Variants in ERC1 observed in about 807,000 individuals in gnomAD.
The protein encoded by ERC1 is RAB6 interacting protein 2.
ERC1 carries 56 observed loss-of-function variants against 132.0 expected under a neutral mutation model. That is an observed-to-expected ratio of 0.42 (90% CI 0.34 to 0.53). The LOEUF is 0.53. Ranked by LOEUF, ERC1 falls within the 20% of genes least tolerant of loss-of-function variation. The probability of loss-of-function intolerance (pLI) is 0.03; values close to 1 mark genes in which losing one functional copy is unlikely to be tolerated. For synonymous variants in ERC1, 478 were observed against 476.1 expected, an observed-to-expected ratio of 1.00 and a Z score of -0.05; for missense variants, 1,202 against 1,349.9, an observed-to-expected ratio of 0.89 and a Z score of 1.72.
chr12:1,147,927 A>G (rs1214962488), intron 8 of ERC1, among the ~76,000 whole-genome samples: 1 of 152,148 alleles, frequency 6.6e-6, no homozygotes, highest in Non-Finnish European at 1.5e-5. Context: ...TTTTACTTTT[A>G]TAACATTTGT....
rs1206090694 is a variant in ERC1 at position 1,493,547 on chromosome 12, AAATATATATATAT to A, written c.*3319_*3331del. 14 of 60,472 alleles carry A rather than the reference AAATATATATATAT, an allele frequency of 2.3e-4. 1 individual carries two copies. Among genetic ancestry groups the A allele is most frequent in the South Asian group, 1.3e-3 (2 of 1,544 alleles). The allele number at this position is 60,472 out of a possible 1,614,324, so 3.7% of individuals were successfully genotyped here. On this transcript the variant is annotated 3_prime_UTR_variant, in exon 19 of 19. Transcript: ENST00000360905. The stretch of plus-strand genomic sequence containing the variant: ...GACTCCATTTAAAAAAAAAAAAAAA[AAATATATATATAT>A]ATATATATATATATATATGGATGGG...
chr12:1,127,970 T>TTAGGAATTAATACTG (rs1333409846), intron 7 of ERC1, among the ~76,000 whole-genome samples: 4 of 152,208 alleles, frequency 2.6e-5, no homozygotes, highest in African/African-American at 9.7e-5. Flanking sequence ...CTCCTACCAG[T>TTAGGAATTAATACTG]ATTAATGGCA....
chr12:1,301,289 C>T (rs992453042), intron 15 of ERC1, among the ~76,000 whole-genome samples: 1 of 152,256 alleles, frequency 6.6e-6, no homozygotes, highest in South Asian at 2.1e-4. Context: ...GAATTCACCA[C>T]TGTATAACTC....
intron 15 of ERC1, among the ~76,000 whole-genome samples, chr12:1,309,471 TA>T (rs535546255): frequency 6.1e-4 from 93 of 152,318 alleles, no homozygotes; most frequent in African/African-American, 2.0e-3. Context: ...TGTCAGACTA[TA>T]GGGGAAGTGA....
chr12:1,438,758 A>G (rs1229681516), intron 17 of ERC1, among the ~76,000 whole-genome samples: 1 of 152,042 alleles, frequency 6.6e-6, no homozygotes, highest in Non-Finnish European at 1.5e-5. Context: ...CCTAGGCAAT[A>G]TTGTGAGACC....
chr12:1,390,728 T>A (rs968672123), intron 16 of ERC1: 1 of 152,226 alleles, frequency 6.6e-6, no homozygotes, highest in African/African-American at 2.4e-5. Context: ...GTGGATTCAC[T>A]ATGGTCAAAT....
At chr12:1,103,355 T>G (rs1336072986) in intron 3 of ERC1, among the ~76,000 whole-genome samples, 1 of 152,058 alleles carries the variant, frequency 6.6e-6, no homozygotes, top group Non-Finnish European at 1.5e-5. Flanking sequence ...GGACTTGGGC[T>G]CTAGTTGGAG....
At position 1,247,307 on chromosome 12, in the gene ERC1, A is replaced by G. The variant is rs562566204; in HGVS notation, c.2487+10403A>G. On this transcript the variant is annotated intron_variant, in intron 13 of 18. Coordinates refer to ENST00000360905, the MANE Select transcript of ERC1 (RefSeq NM_178040.4). ...AAGGACATTGGTGGAAAAACAATGA[A>G]AGTAAGGTTCTCAGGTTGGTAAATA... 4.4e-4 allele frequency among the ~76,000 whole-genome samples: 67 copies of G among 152,232 alleles called. 1 individual carries two copies. The highest frequency in any genetic ancestry group is 2.8e-4 in the Non-Finnish European group (19 of 68,038).
At chr12:1,435,434 G>T (rs2092922056) in intron 17 of ERC1, among the ~76,000 whole-genome samples, 1 of 152,126 alleles carries the variant, frequency 6.6e-6, no homozygotes, top group South Asian at 2.1e-4. Context: ...ATTAGCTGCT[G>T]TCCCCCTGAA....
rs192720835 is a variant in ERC1, at chr12:1,249,751, A to G, written c.2487+12847A>G. 1.7e-3 allele frequency among the ~76,000 whole-genome samples: 255 copies of G among 152,292 alleles called. 1 individual carries two copies. The highest frequency in any genetic ancestry group is 4.6e-3 in the Admixed American group (71 of 15,294). On this transcript the variant is annotated intron_variant, in intron 13 of 18. Coordinates refer to ENST00000360905, the MANE Select transcript of ERC1 (RefSeq NM_178040.4). ...GCTAGCTTATAAACAACAGAAATTT[A>G]TTTCTCACAGTTCTGTGCCTGGAAA...
chr12:1,247,431 G>A (rs899941424), intron 13 of ERC1, among the ~76,000 whole-genome samples: 1 of 152,166 alleles, frequency 6.6e-6, no homozygotes, highest in South Asian at 2.1e-4. Flanking sequence ...GATGGGCACT[G>A]TTCTGTTTTT....
At chr12:1,150,964 T>C (rs1161943592) in intron 8 of ERC1, among the ~76,000 whole-genome samples, 4 of 152,190 alleles carry the variant, frequency 2.6e-5, no homozygotes, top group African/African-American at 9.7e-5. Flanking sequence ...TGTATCCGTG[T>C]TGATTAATTA....
intron 16 of ERC1, among the ~76,000 whole-genome samples, chr12:1,379,408 T>C (rs7973734): frequency 0.46 from 69,573 of 151,986 alleles, 17,883 homozygotes; most frequent in African/African-American, 0.69. Flanking sequence ...CCTATTTCAG[T>C]GAACAGCCAA....
intron 15 of ERC1, among the ~76,000 whole-genome samples, chr12:1,370,129 C>A (rs1262046065): frequency 6.6e-6 from 1 of 152,174 alleles, no homozygotes; most frequent in Non-Finnish European, 1.5e-5. Flanking sequence ...TTATATAGTT[C>A]CTATAAATCA....
chr12:1,317,168 GAAAAAA>G (rs139637325), intron 15 of ERC1, among the ~76,000 whole-genome samples: 1 of 107,654 alleles, frequency 9.3e-6, no homozygotes, highest in South Asian at 3.1e-4. Context: ...TCTCAAAAAC[GAAAAAA>G]AAAAAAAAAG....
At chr12:1,394,884 C>T (rs867723704) in intron 16 of ERC1, among the ~76,000 whole-genome samples, 1 of 152,152 alleles carries the variant, frequency 6.6e-6, no homozygotes, top group African/African-American at 2.4e-5. Flanking sequence ...ACTCAGATAA[C>T]CTAAATTACA....
intron 15 of ERC1, among the ~76,000 whole-genome samples, chr12:1,302,209 T>A (rs527654614): frequency 1.3e-5 from 2 of 152,336 alleles, no homozygotes; most frequent in South Asian, 4.1e-4. Flanking sequence ...CAAAAATGAA[T>A]TAATTAAACT....
chr12:1,071,986 G>A (rs570448058), intron 2 of ERC1, among the ~76,000 whole-genome samples: 8 of 151,912 alleles, frequency 5.3e-5, no homozygotes, highest in African/African-American at 1.9e-4. Flanking sequence ...CTGTAATCTC[G>A]GCTACTTGGG....
At chr12:1,226,106 GT>G (rs1242801296) in intron 12 of ERC1, among the ~76,000 whole-genome samples, 1 of 152,088 alleles carries the variant, frequency 6.6e-6, no homozygotes, top group Non-Finnish European at 1.5e-5. Context: ...ATTTCCTCTA[GT>G]GATAACTGAT....
Sources: gnomAD v4.1 joint callset for allele counts (sites outside exome capture counted in the v4.1 genomes callset) on GRCh38, gnomAD v4.1.1 for gene constraint, MANE v1.5 for transcripts, NCBI Gene and HGNC (gene_info 2026-07-23, HGNC 2026-07-21) for gene names.